MAD1L1: variants seen among roughly 807,000 people sequenced by gnomAD.
MAD1L1 encodes mitotic arrest deficient 1 like 1, also known as mitotic spindle assembly checkpoint protein MAD1.
MAD1L1 carries 95 observed loss-of-function variants against 96.9 expected under a neutral mutation model. The observed-to-expected ratio is 0.98, with a 90% CI of 0.83 to 1.16. The LOEUF is 1.16. Ranked by LOEUF, MAD1L1 falls within the 50% of genes most tolerant of loss-of-function variation. The pLI is 0.00. For missense variants in MAD1L1, 1,007 were observed against 954.4 expected (o/e 1.06, Z -0.73); for synonymous variants, 473 against 396.6 (o/e 1.19, Z -2.29).
At chr7:1,892,357 G>A (rs1583679424) in intron 18 of MAD1L1, among the ~76,000 whole-genome samples, 2 of 152,298 alleles carry the variant, frequency 1.3e-5, no homozygotes, top group East Asian at 3.9e-4. Flanking sequence ...ATCTGGCAAA[G>A]CGAGACCGTA....
intron 12 of MAD1L1, among the ~76,000 whole-genome samples, chr7:2,021,322 A>C (rs1217226267): frequency 6.6e-6 from 1 of 152,310 alleles, no homozygotes; most frequent in East Asian, 1.9e-4. Context: ...TTCATTATCA[A>C]CCAAGAGAGT....
chr7:2,028,779 C>T (rs1783094382), intron 12 of MAD1L1, among the ~76,000 whole-genome samples: 9 of 152,032 alleles, frequency 5.9e-5, no homozygotes, highest in Admixed American at 4.6e-4. Context: ...AGCCACCTCA[C>T]GTGAAGGTGT....
intron 17 of MAD1L1, among the ~76,000 whole-genome samples, chr7:1,908,855 G>A (rs955902056): frequency 1.6e-4 from 24 of 152,008 alleles, no homozygotes; most frequent in African/African-American, 5.8e-4. Context: ...CCCACCACAC[G>A]GCCTGGCTCC....
chr7:2,072,658 C>T (rs1398853128), intron 11 of MAD1L1, among the ~76,000 whole-genome samples: 2 of 152,218 alleles, frequency 1.3e-5, no homozygotes, highest in Admixed American at 6.5e-5. Flanking sequence ...TAGAAGAACG[C>T]CACCATTCCC....
At position 2,103,603 on chromosome 7, in the gene MAD1L1, C is replaced by T. The variant is rs188764514; in HGVS notation, c.1074-34265G>A. Among the ~76,000 whole-genome samples the T allele has an allele frequency of 2.6e-5, 4 of 152,128 alleles. No individual in the cohort carries two copies. The highest frequency in any genetic ancestry group is 7.2e-5 in the African/African-American group (3 of 41,436). ...CACCAGGCAGCCCTGGGAGCCCCTG[C>T]GAAGGCCTCTCAGGAGCCGGGCAGC... On this transcript the variant is annotated intron_variant, in intron 11 of 18. Transcript: ENST00000265854. This position sits in a 1 kb window ranked among gnomAD's most constrained non-coding sequence, Gnocchi z 4.3.
intron 18 of MAD1L1, among the ~76,000 whole-genome samples, chr7:1,875,154 GC>G (rs1287525853): frequency 6.6e-6 from 1 of 152,150 alleles, no homozygotes; most frequent in Non-Finnish European, 1.5e-5. Flanking sequence ...CTGCCCCAGA[GC>G]CCCCCACAGG....
rs1216692544 is a variant in MAD1L1, at chr7:1,969,836, A to G, written c.1505+10617T>C. Among the ~76,000 whole-genome samples the G allele has an allele frequency of 5.8e-4, 89 of 152,216 alleles. 1 individual carries two copies. Among genetic ancestry groups the G allele is most frequent in the Non-Finnish European group, 7.3e-5 (5 of 68,044 alleles). On this transcript the variant is annotated intron_variant, in intron 15 of 18. Coordinates refer to ENST00000265854, the MANE Select transcript of MAD1L1 (RefSeq NM_001013836.2). Reference sequence around the variant, plus strand: ...AGGAGGCATAAGATTTGTACCCTAAAAACTGCCAAACATTGCTAAAAGAAA... The same window carrying G: ...AGGAGGCATAAGATTTGTACCCTAAGAACTGCCAAACATTGCTAAAAGAAA...
intron 15 of MAD1L1, among the ~76,000 whole-genome samples, chr7:1,958,616 A>G (rs4721243): frequency 0.97 from 147,849 of 152,300 alleles, 71,907 homozygotes; most frequent in Middle Eastern, 1. Flanking sequence ...ATGCAAAAAC[A>G]TCTAGAACAC....
intron 10 of MAD1L1, among the ~76,000 whole-genome samples, chr7:2,203,220 C>T (rs938130928): frequency 5.3e-5 from 8 of 152,254 alleles, no homozygotes; most frequent in African/African-American, 1.4e-4. Context: ...AGTGGGGGCT[C>T]GGCTACAGGA....
At chr7:1,896,782 C>G (rs147789657) in intron 18 of MAD1L1, among the ~76,000 whole-genome samples, 27 of 152,252 alleles carry the variant, frequency 1.8e-4, no homozygotes, top group Admixed American at 1.2e-3. Flanking sequence ...CGCAGGGATC[C>G]GGGGAAAACG....
rs769473525 is a variant in MAD1L1, at chr7:2,069,263, C to T, written c.1149G>A (p.Glu383=). 5 of 1,612,126 alleles carry T rather than the reference C, an allele frequency of 3.1e-6. No homozygotes were observed. The highest frequency in any genetic ancestry group is 1.3e-5 in the African/African-American group (1 of 75,024). Residue 383 remains glutamate (E), a synonymous_variant, in exon 12 of 19, where the codon GAG becomes GAA. Transcript: ENST00000265854. ...CCTCGTGGGTCTCGCGCTTCTTCCTCTCCTCCAACAGCTGGCCGCTGACCT... is the reference window on the plus strand; with the variant it reads ...CCTCGTGGGTCTCGCGCTTCTTCCTTTCCTCCAACAGCTGGCCGCTGACCT... ...LRQVSGQLLE[E]RKKRETHEAL...
chr7:2,099,633 G>A (rs1461322231), intron 11 of MAD1L1, among the ~76,000 whole-genome samples: 1 of 151,946 alleles, frequency 6.6e-6, no homozygotes, highest in Non-Finnish European at 1.5e-5. Context: ...CCGAATCTCA[G>A]AAGTCAGCAC....
chr7:1,927,060 C>T (rs1053161107), intron 17 of MAD1L1, among the ~76,000 whole-genome samples: 13 of 152,112 alleles, frequency 8.5e-5, no homozygotes, highest in Admixed American at 3.9e-4. Context: ...CATAAACATC[C>T]GTCATACATC....
intron 11 of MAD1L1, among the ~76,000 whole-genome samples, chr7:2,084,971 T>C (rs1785835319): frequency 6.6e-6 from 1 of 152,174 alleles, no homozygotes. Flanking sequence ...GTTTATGTGT[T>C]TCCCACCACC....
rs541501886 is a variant in MAD1L1, at chr7:1,828,156, G to A, written c.1999-11928C>T. Among the ~76,000 whole-genome samples the A allele has an allele frequency of 4.6e-5, 7 of 152,194 alleles. No homozygotes were observed. The South Asian group carries it at 8.3e-4, about 18-fold the overall frequency. ...CCTCAGAGGGCGGCCGGCAGCTTCC[G>A]GCCGAGACAGAGCCACAAGGACAGA... On this transcript the variant is annotated intron_variant, in intron 18 of 18. Coordinates refer to ENST00000265854, the MANE Select transcript of MAD1L1 (RefSeq NM_001013836.2).
chr7:2,131,900 A>C (rs559704065), intron 11 of MAD1L1, among the ~76,000 whole-genome samples: 100 of 152,316 alleles, frequency 6.6e-4, no homozygotes, highest in Non-Finnish European at 3.4e-4. Flanking sequence ...TGAGCCCCCC[A>C]CAAGGGCCTG....
chr7:1,986,530 C>T (rs1353556406), intron 14 of MAD1L1, among the ~76,000 whole-genome samples: 1 of 152,074 alleles, frequency 6.6e-6, no homozygotes, highest in Non-Finnish European at 1.5e-5. Context: ...GCGGCTCCCT[C>T]GCGCCGGCAA....
At chr7:2,101,610 C>G (rs1047996893) in intron 11 of MAD1L1, among the ~76,000 whole-genome samples, 1 of 152,114 alleles carries the variant, frequency 6.6e-6, no homozygotes, top group Non-Finnish European at 1.5e-5. Context: ...TGGCGTGAGA[C>G]TGGGGCTCCA....
intron 11 of MAD1L1, among the ~76,000 whole-genome samples, chr7:2,102,637 C>T (rs1363422885): frequency 1.3e-5 from 2 of 151,980 alleles, no homozygotes; most frequent in Admixed American, 1.3e-4. Context: ...CTCGCACCAT[C>T]ATCGCCACTG....
Sources: allele counts gnomAD v4.1 joint callset (sites outside exome capture counted in the v4.1 genomes callset), GRCh38; gene constraint gnomAD v4.1.1; non-coding constraint Gnocchi (gnomAD v3.1); transcripts MANE v1.5; gene names NCBI Gene and HGNC (gene_info 2026-07-23, HGNC 2026-07-21).